The following ALS2 variants were observed in gnomAD, a reference collection of about 807,000 sequenced individuals.
ALS2 encodes the protein alsin.
ALS2 carries 117 observed loss-of-function variants against 203.4 expected under a neutral mutation model. That is an observed-to-expected ratio of 0.58 (90% CI 0.50 to 0.67). The LOEUF (loss-of-function observed/expected upper bound fraction) is 0.67. ALS2 is among the 30% of genes least tolerant of loss of function. ALS2 has a pLI of 0.00. For missense variants in ALS2, 1,715 were observed against 1,989.4 expected (o/e 0.86, Z 2.62); for synonymous variants, 718 against 725.9 (o/e 0.99, Z 0.17).
Position 201,704,555 on chromosome 2 carries a change from A to G in ALS2, c.4737T>C (p.Phe1579=). ...CCAGGACACTCTGAGAGATCTCCTC[A>G]AAAGTCTGCTGGATGACCTTAAGTT... is the stretch of plus-strand genomic sequence containing the variant. ...SDKLKVIQQT[F]EEISQSVLAS... Residue 1579 remains phenylalanine (F), a synonymous_variant, in exon 32 of 34, where the codon TTT becomes TTC. Coordinates refer to ENST00000264276, the MANE Select transcript of ALS2 (RefSeq NM_020919.4). The G allele has an allele frequency of 6.2e-7, 1 of 1,614,166 alleles. No homozygotes were observed. Among genetic ancestry groups the G allele is most frequent in the Non-Finnish European group, 8.5e-7 (1 of 1,180,010 alleles).
intron 8 of ALS2, among the ~76,000 whole-genome samples, chr2:201,748,646 A>G (rs1314774534): frequency 1.9e-5 from 2 of 103,934 alleles, no homozygotes; most frequent in Non-Finnish European, 5.1e-5. Flanking sequence ...ATGATTTGCA[A>G]TATCTTTGTT....
chr2:201,715,385 A>C (rs1398633741), intron 25 of ALS2, among the ~76,000 whole-genome samples: 2 of 152,182 alleles, frequency 1.3e-5, no homozygotes, highest in African/African-American at 4.8e-5. Flanking sequence ...AAAACATCTA[A>C]GTAAACTCAC....
intron 24 of ALS2, among the ~76,000 whole-genome samples, chr2:201,717,188 GGC>G (rs1251297887): frequency 6.6e-6 from 1 of 152,004 alleles, no homozygotes; most frequent in African/African-American, 2.4e-5. Flanking sequence ...TTTCAGGCTG[GGC>G]GCGGTGGCTC....
At chr2:201,718,377 A>G (rs900321495) in intron 23 of ALS2, among the ~76,000 whole-genome samples, 167 bp from the exon 24 acceptor site, 1 of 152,192 alleles carries the variant, frequency 6.6e-6, no homozygotes, top group Non-Finnish European at 1.5e-5. Flanking sequence ...CTCCTGCCTC[A>G]GCCTCCCAAG....
rs1459797226 is a variant in ALS2 at position 201,768,957 on chromosome 2, A to G, written c.-60-12T>C. On this transcript the variant is annotated splice_polypyrimidine_tract_variant and intron_variant, in intron 1 of 33. Coordinates refer to ENST00000264276, the MANE Select transcript of ALS2 (RefSeq NM_020919.4). ...AAGTCTATCAAGACCTAAACAGTACAAGTAAGGAAAAGAGCAGTAAAAGAA... is the reference window on the plus strand; with the variant it reads ...AAGTCTATCAAGACCTAAACAGTACGAGTAAGGAAAAGAGCAGTAAAAGAA... 45 of 1,413,794 alleles carry G rather than the reference A, an allele frequency of 3.2e-5. No homozygotes were observed. The East Asian group carries it at 9.6e-4, about 30-fold the overall frequency. The allele number at this position is 1,413,794 out of a possible 1,614,324, so 87.6% of individuals were successfully genotyped here. A position where few individuals can be genotyped will look rare whatever the true frequency, so the allele number is the denominator to read the frequency against.
chr2:201,708,756 T>C (rs1334058556), intron 27 of ALS2, among the ~76,000 whole-genome samples: 1 of 152,244 alleles, frequency 6.6e-6, no homozygotes, highest in African/African-American at 2.4e-5. Context: ...TACTCTACCA[T>C]AAATAAGTTT....
chr2:201,733,716 T>C (rs1691713555), intron 12 of ALS2, among the ~76,000 whole-genome samples: 1 of 152,146 alleles, frequency 6.6e-6, no homozygotes, highest in South Asian at 2.1e-4. Context: ...ATCCAACAAT[T>C]TAAGATGAAT....
At chr2:201,715,570 CATT>C in intron 25 of ALS2, 99 bp downstream of exon 25, 2 of 1,406,070 alleles carry the variant, frequency 1.4e-6, no homozygotes, top group East Asian at 4.6e-5. Flanking sequence ...CGAAGTAAAT[CATT>C]AACTTTTAAA....
chr2:201,707,036 G>A lies in ALS2; in HGVS notation c.4404-14C>T, dbSNP rs375025577. The A allele has an allele frequency of 3.1e-5, 50 of 1,608,396 alleles. No homozygotes were observed. Among genetic ancestry groups the A allele is most frequent in the Non-Finnish European group, 3.7e-5 (43 of 1,176,750 alleles). ...GTTACTACATAACTACAAAATAATG[G>A]AGTGGGAGAAAAGGAGCATTTTTCA... On this transcript the variant is annotated splice_polypyrimidine_tract_variant and intron_variant, in intron 28 of 33. Transcript: ENST00000264276.
chr2:201,711,039 A>G lies in ALS2; in HGVS notation c.4074T>C (p.Gly1358=). The G allele has an allele frequency of 6.2e-7, 1 of 1,613,008 alleles. No homozygotes were observed. The highest frequency in any genetic ancestry group is 8.5e-7 in the Non-Finnish European group (1 of 1,179,134). ...CATCATATTTCTCCACAGAGAAGGCACCAACATGCTGTGGAATGAATTCCA... is the reference window on the plus strand; with the variant it reads ...CATCATATTTCTCCACAGAGAAGGCGCCAACATGCTGTGGAATGAATTCCA... ...ESLEFIPQHV[G]AFSVEKYDDI... Residue 1358 remains glycine, a synonymous_variant, in exon 26 of 34, where the codon GGT becomes GGC. Coordinates refer to ENST00000264276, the MANE Select transcript of ALS2 (RefSeq NM_020919.4).
At chr2:201,717,977 A>G in intron 24 of ALS2, 100 bp downstream of exon 24, 1 of 1,220,590 alleles carries the variant, frequency 8.2e-7, no homozygotes, top group Non-Finnish European at 1.2e-6. Flanking sequence ...AGAAGACTTT[A>G]AGAACTTGAC....
intron 1 of ALS2, among the ~76,000 whole-genome samples, chr2:201,775,731 G>A (rs1694626979): frequency 6.6e-6 from 1 of 152,064 alleles, no homozygotes; most frequent in Admixed American, 6.5e-5. Flanking sequence ...CCTGATACCA[G>A]TATGGGAGCC....
At chr2:201,752,864 G>C (rs1438646336) in intron 7 of ALS2, among the ~76,000 whole-genome samples, 1 of 152,070 alleles carries the variant, frequency 6.6e-6, no homozygotes, top group Non-Finnish European at 1.5e-5. Context: ...CTCTTTTTAG[G>C]TGAGAACACA....
chr2:201,759,976 C>T, intron 4 of ALS2: 1 of 983,780 alleles, frequency 1.0e-6, no homozygotes, highest in Non-Finnish European at 1.2e-6. Context: ...TACTGATAAA[C>T]AACTTTTGTT....
chr2:201,759,312 A>C (rs1407807998), intron 4 of ALS2: 1 of 829,436 alleles, frequency 1.2e-6, no homozygotes, highest in African/African-American at 1.9e-5. Flanking sequence ...ACTTTGGTTT[A>C]TTTCCCAAGT....
intron 3 of ALS2, among the ~76,000 whole-genome samples, chr2:201,766,960 G>A (rs1046647150): frequency 7.2e-6 from 1 of 139,516 alleles, no homozygotes; most frequent in Admixed American, 7.1e-5. Flanking sequence ...AGGGAGCGGG[G>A]AGGGATAGCA....
chr2:201,753,085 A>C (rs1693163233), intron 7 of ALS2, 61 bp downstream of exon 7: 1 of 1,331,124 alleles, frequency 7.5e-7, no homozygotes, highest in East Asian at 2.3e-5. Context: ...ATGAGGGTCC[A>C]ACAATGTCAT....
At chr2:201,746,496 A>G in intron 9 of ALS2, 70 bp downstream of exon 9, 2 of 1,572,770 alleles carry the variant, frequency 1.3e-6, no homozygotes, top group Non-Finnish European at 1.7e-6. Flanking sequence ...CATACATACA[A>G]ATAAAAACAA....
At chr2:201,719,046 T>C (rs1282393416) in intron 23 of ALS2, among the ~76,000 whole-genome samples, 1 of 152,104 alleles carries the variant, frequency 6.6e-6, no homozygotes, top group Non-Finnish European at 1.5e-5. Flanking sequence ...TGAAAAGATA[T>C]ATAAAATTGA....
Sources: allele counts gnomAD v4.1 joint callset (sites outside exome capture counted in the v4.1 genomes callset), GRCh38; gene constraint gnomAD v4.1.1; transcripts MANE v1.5; gene names NCBI Gene and HGNC (gene_info 2026-07-23, HGNC 2026-07-21).